Variants in AKAP12 observed in about 807,000 individuals in gnomAD.
AKAP12 encodes A-kinase anchoring protein 12, also known as A-kinase anchor protein 12.
A neutral mutation model predicts 79.9 loss-of-function variants in AKAP12; 32 were observed. The observed-to-expected ratio is 0.40, with a 90% CI of 0.30 to 0.54. AKAP12 has a LOEUF of 0.54. AKAP12 is among the 20% of genes least tolerant of loss of function. The pLI, the probability that AKAP12 is intolerant of heterozygous loss-of-function variation, is 0.48. For synonymous variants in AKAP12, 808 were observed against 857.0 expected, an observed-to-expected ratio of 0.94 and a Z score of 1.00; for missense variants, 2,074 against 2,177.0, an observed-to-expected ratio of 0.95 and a Z score of 0.94.
intron 2 of AKAP12, among the ~76,000 whole-genome samples, chr6:151,290,935 C>G (rs1776605987): frequency 6.6e-6 from 1 of 152,164 alleles, no homozygotes; most frequent in Non-Finnish European, 1.5e-5. Flanking sequence ...CCTTCTCACC[C>G]TCTCCCCTAC....
At position 151,351,476 on chromosome 6, in the gene AKAP12, G is replaced by A. The variant is rs769872883; in HGVS notation, c.3085G>A (p.Val1029Ile). 12 of 1,614,022 alleles carry A rather than the reference G, an allele frequency of 7.4e-6. No homozygotes were observed. Among genetic ancestry groups the A allele is most frequent in the African/African-American group, 4.0e-5 (3 of 74,930 alleles). The part of the protein sequence containing the change: ...ATPVQEVEGG[V>I]PDIEEQERRT... ...TCCGGTGCAGGAGGTGGAAGGTGGC[G>A]TACCTGACATAGAAGAGCAAGAGAG... The change falls in exon 4 of 5, where the codon GTA becomes ATA. Residue 1029 changes from valine (V) to isoleucine (I), a missense_variant. Val to Ile is a conservative substitution (Grantham distance 29). Coordinates refer to ENST00000402676, the MANE Select transcript of AKAP12 (RefSeq NM_005100.4). The surrounding 1 kb of genome is among the most constrained non-coding windows in gnomAD (Gnocchi z 4.4).
At position 151,352,907 on chromosome 6, in the gene AKAP12, A is replaced by G; in HGVS notation, c.4516A>G (p.Thr1506Ala). 1 of 1,614,220 alleles carries G rather than the reference A, an allele frequency of 6.2e-7. No individual in the cohort carries two copies. Among genetic ancestry groups the G allele is most frequent in the Non-Finnish European group, 8.5e-7 (1 of 1,180,040 alleles). ...LSSDLEGEKT[T>A]SLKWKSDEVD... is the part of the protein sequence containing the mutation. The stretch of plus-strand genomic sequence containing the variant: ...TTCCGACCTGGAAGGAGAGAAAACC[A>G]CATCACTGAAGTGGAAGTCAGATGA... The change falls in exon 4 of 5, where the codon ACA (threonine) becomes GCA (alanine). Residue 1506 changes from threonine to alanine, a missense_variant. Around this residue, in one of 3 missense-constraint regions of AKAP12, gnomAD observed 614 missense variants for 665.6 expected, o/e 0.92. Coordinates refer to ENST00000402676, the MANE Select transcript of AKAP12 (RefSeq NM_005100.4).
chr6:151,301,042 C>T (rs1776854446), intron 2 of AKAP12, among the ~76,000 whole-genome samples: 1 of 152,110 alleles, frequency 6.6e-6, no homozygotes, highest in Non-Finnish European at 1.5e-5. Flanking sequence ...TATACATTTC[C>T]TCCTTCTTTC....
At chr6:151,322,231 A>G (rs1263892064) in intron 3 of AKAP12, among the ~76,000 whole-genome samples, 1 of 151,664 alleles carries the variant, frequency 6.6e-6, no homozygotes, top group Non-Finnish European at 1.5e-5. Flanking sequence ...CTTTTTTATT[A>G]TAGTCATCCT....
intron 2 of AKAP12, among the ~76,000 whole-genome samples, chr6:151,295,632 G>T (rs1776709215): frequency 6.6e-6 from 1 of 152,204 alleles, no homozygotes; most frequent in Non-Finnish European, 1.5e-5. Flanking sequence ...TTTGCACTAG[G>T]ATTAAATTAA....
At position 151,304,362 on chromosome 6, in the gene AKAP12, G is replaced by GCCTGTAAT. The variant is rs549807196; in HGVS notation, c.163-1382_163-1375dup. Among the ~76,000 whole-genome samples the GCCTGTAAT allele has an allele frequency of 2.2e-3, 326 of 151,104 alleles. 3 individuals carry two copies. The highest frequency in any genetic ancestry group is 7.6e-3 in the African/African-American group (315 of 41,262). On this transcript the variant is annotated intron_variant, in intron 2 of 4. Coordinates refer to ENST00000402676, the MANE Select transcript of AKAP12 (RefSeq NM_005100.4). ...AAATTAGCCAGGCATGGTGGTGCACGCCTGTAATCCCTGCTATGTGGGAGG... is the reference window on the plus strand; with the variant it reads ...AAATTAGCCAGGCATGGTGGTGCACGCCTGTAATCCTGTAATCCCTGCTATGTGGGAGG...
At chr6:151,345,599 C>A (rs962555777) in intron 3 of AKAP12, among the ~76,000 whole-genome samples, 1 of 150,396 alleles carries the variant, frequency 6.6e-6, no homozygotes, top group Non-Finnish European at 1.5e-5. Context: ...GTTCTCGAGA[C>A]CAGCCTGGCC....
rs544542555 is a variant in AKAP12, at chr6:151,335,711, G to T, written c.320-13000G>T. 1.2e-4 allele frequency among the ~76,000 whole-genome samples: 18 copies of T among 152,164 alleles called. No homozygotes were observed. The South Asian group carries it at 3.7e-3, about 32-fold the overall frequency. ...GGTCTCAGACTCCTGACCCCAAAGC[G>T]ATCCTCCTGCCTCGGCCTCCCAAAG... On this transcript the variant is annotated intron_variant, in intron 3 of 4. Coordinates refer to ENST00000402676, the MANE Select transcript of AKAP12 (RefSeq NM_005100.4).
At chr6:151,259,321 C>T (rs1797362958) in intron 2 of AKAP12, among the ~76,000 whole-genome samples, 1 of 151,494 alleles carries the variant, frequency 6.6e-6, no homozygotes, top group Admixed American at 6.6e-5. Flanking sequence ...GCTGGGATTA[C>T]AGGTGTGAGC....
chr6:151,301,700 ACCTGAGACATCAC>A (rs1177996457), intron 2 of AKAP12, among the ~76,000 whole-genome samples: 1 of 152,146 alleles, frequency 6.6e-6, no homozygotes, highest in African/African-American at 2.4e-5. Context: ...CTGAAAGCTC[ACCTGAGACATCAC>A]CCTTGAGGTC....
At chr6:151,246,610 A>T (rs1316567953) in intron 2 of AKAP12, among the ~76,000 whole-genome samples, 1 of 152,092 alleles carries the variant, frequency 6.6e-6, no homozygotes, top group South Asian at 2.1e-4. Flanking sequence ...TCCTTGGTGC[A>T]TTTTTAACTG....
At chr6:151,256,956 A>G (rs544764536) in intron 2 of AKAP12, among the ~76,000 whole-genome samples, 1 of 151,190 alleles carries the variant, frequency 6.6e-6, no homozygotes, top group East Asian at 1.9e-4. Context: ...GCCTATATAT[A>G]TATATAAACT....
chr6:151,353,644 G>A lies in AKAP12; in HGVS notation c.5253G>A (p.Val1751=), dbSNP rs1326401385. 6.2e-7 allele frequency: 1 copy of A among 1,614,124 alleles called. No individual in the cohort carries two copies. Among genetic ancestry groups the A allele is most frequent in the East Asian group, 2.2e-5 (1 of 44,880 alleles). ...AQEVELQEGK[V]HSESDKAITP... Reference sequence around the variant, plus strand: ...AAGTAGAATTGCAGGAAGGAAAAGTGCACAGTGAATCAGATAAAGCGATCA... The same window carrying A: ...AAGTAGAATTGCAGGAAGGAAAAGTACACAGTGAATCAGATAAAGCGATCA... Residue 1751 remains valine (V), a synonymous_variant, in exon 4 of 5, where the codon GTG becomes GTA. Transcript: ENST00000402676.
chr6:151,348,915 TGTTTAA>T lies in AKAP12; in HGVS notation c.529_534del (p.Lys177_Phe178del). ...GCTAATGATATTGGATTTAAGAAGG[TGTTTAA>T]GTTTGTTGGCTTTAAATTCACTGTG... On this transcript the variant is annotated inframe_deletion, in exon 4 of 5. Transcript: ENST00000402676. The T allele has an allele frequency of 1.9e-6, 3 of 1,613,200 alleles. No homozygotes were observed. Among genetic ancestry groups the T allele is most frequent in the Non-Finnish European group, 2.5e-6 (3 of 1,179,784 alleles).
In AKAP12 at chr6:151,352,437, A is replaced by T; in HGVS notation, c.4046A>T (p.Glu1349Val). The change falls in exon 4 of 5, where the codon GAG (glutamate) becomes GTG (valine). Residue 1349 changes from glutamate to valine, a missense_variant. Glu to Val is a moderately radical substitution (Grantham distance 121). Transcript: ENST00000402676. ...VQVEREKTEA[E>V]PTHVNEEKLE... ...GTCGAAAGGGAGAAAACAGAAGCAG[A>T]GCCAACCCATGTGAATGAAGAGAAG... 1 of 1,614,226 alleles carries T rather than the reference A, an allele frequency of 6.2e-7. No homozygotes were observed. Among genetic ancestry groups the T allele is most frequent in the East Asian group, 2.2e-5 (1 of 44,876 alleles).
At chr6:151,334,712 C>G (rs1223772694) in intron 3 of AKAP12, among the ~76,000 whole-genome samples, 8 of 151,714 alleles carry the variant, frequency 5.3e-5, no homozygotes, top group Admixed American at 5.2e-4. Flanking sequence ...AGCTCCGCCT[C>G]CCGGGTTCAC....
At chr6:151,320,476 C>T (rs1777351680) in intron 3 of AKAP12, among the ~76,000 whole-genome samples, 1 of 152,102 alleles carries the variant, frequency 6.6e-6, no homozygotes, top group Admixed American at 6.6e-5. Context: ...TTTTAATCCT[C>T]TCCACATGTG....
chr6:151,341,493 T>A (rs999704878), intron 3 of AKAP12, among the ~76,000 whole-genome samples: 1 of 151,940 alleles, frequency 6.6e-6, no homozygotes. Flanking sequence ...CCCCCGGGGG[T>A]TTCCTGGGAG....
chr6:151,270,475 A>G (rs150216316), intron 2 of AKAP12, among the ~76,000 whole-genome samples: 1 of 152,338 alleles, frequency 6.6e-6, no homozygotes, highest in African/African-American at 2.4e-5. Context: ...GGCTGTCATG[A>G]ATAATATTGC....
Sources: allele counts gnomAD v4.1 joint callset (sites outside exome capture counted in the v4.1 genomes callset), GRCh38; gene constraint gnomAD v4.1.1; regional missense constraint gnomAD v4.1.1; non-coding constraint Gnocchi (gnomAD v3.1); transcripts MANE v1.5; gene names NCBI Gene and HGNC (gene_info 2026-07-23, HGNC 2026-07-21).